Variants in ADGRB3 observed in about 807,000 individuals in gnomAD.
The protein encoded by ADGRB3 is brain-specific angiogenesis inhibitor 3.
A neutral mutation model predicts 193.4 loss-of-function variants in ADGRB3; 37 were observed. The ratio of observed to expected loss-of-function variants is 0.19; its 90% CI spans 0.15 to 0.25. ADGRB3 has a LOEUF of 0.25. Ranked by LOEUF, ADGRB3 falls within the 10% of genes least tolerant of loss-of-function variation. The probability of loss-of-function intolerance (pLI) is 1.00; values close to 1 mark genes in which losing one functional copy is unlikely to be tolerated. For missense variants in ADGRB3, 1,637 were observed against 1,852.9 expected (o/e 0.88, Z 2.14); for synonymous variants, 690 against 644.2 (o/e 1.07, Z -1.08).
intron 3 of ADGRB3, among the ~76,000 whole-genome samples, chr6:68,858,544 G>C (rs1386051395): frequency 4.6e-5 from 6 of 130,846 alleles, no homozygotes; most frequent in African/African-American, 1.5e-4. Context: ...AGTGAGCCAT[G>C]ATCATGTCAC....
Position 68,741,542 on chromosome 6 carries a change from A to G in ADGRB3, c.757+102110A>G, listed in dbSNP as rs143975081. Among the ~76,000 whole-genome samples the G allele has an allele frequency of 1.3e-3, 198 of 152,182 alleles. 1 individual carries two copies. The highest frequency in any genetic ancestry group is 4.6e-3 in the African/African-American group (190 of 41,530). ...GCTGGGACTACAGACATGTGCCACT[A>G]TGCCCAGATAAACTTTTGTAGTTTT... On this transcript the variant is annotated intron_variant, in intron 3 of 31. Coordinates refer to ENST00000370598, the MANE Select transcript of ADGRB3 (RefSeq NM_001704.3).
intron 17 of ADGRB3, among the ~76,000 whole-genome samples, chr6:69,128,579 A>C (rs1006277023): frequency 3.0e-4 from 46 of 152,186 alleles, no homozygotes; most frequent in Admixed American, 2.6e-4. Flanking sequence ...AAAAGAAAAG[A>C]AAACAACTCC....
chr6:68,879,002 G>C (rs1255694035), intron 3 of ADGRB3, among the ~76,000 whole-genome samples: 1 of 152,032 alleles, frequency 6.6e-6, no homozygotes, highest in Non-Finnish European at 1.5e-5. Flanking sequence ...TCTCCCACCG[G>C]CTCTCTTTCA....
chr6:69,006,572 C>T (rs1457230927), intron 11 of ADGRB3, among the ~76,000 whole-genome samples: 3 of 149,950 alleles, frequency 2.0e-5, no homozygotes. Context: ...GTGGCATGAT[C>T]TTGGCTCACT....
chr6:69,097,923 C>T (rs529032419), intron 17 of ADGRB3, among the ~76,000 whole-genome samples: 19 of 152,198 alleles, frequency 1.2e-4, no homozygotes, highest in Non-Finnish European at 2.1e-4. Context: ...AAAGTAAAAA[C>T]ATAATTATGT....
intron 20 of ADGRB3, among the ~76,000 whole-genome samples, chr6:69,245,205 G>T (rs1480720602): frequency 6.6e-6 from 1 of 151,850 alleles, no homozygotes; most frequent in Admixed American, 6.6e-5. Context: ...TCTCTATCAG[G>T]TATTGATCAT....
At chr6:69,252,521 G>C (rs1045385891) in intron 20 of ADGRB3, among the ~76,000 whole-genome samples, 5 of 152,000 alleles carry the variant, frequency 3.3e-5, no homozygotes, top group Admixed American at 3.3e-4. Context: ...ATACCACTTT[G>C]TACTCTTACC....
At chr6:69,330,647 A>C (rs965318458) in intron 23 of ADGRB3, 75 bp downstream of exon 23, 19 of 1,231,802 alleles carry the variant, frequency 1.5e-5, no homozygotes, top group African/African-American at 7.6e-5. Context: ...TTAGAGTGGC[A>C]ATTTTGATAA....
chr6:69,025,343 A>G (rs1201786479), intron 13 of ADGRB3, among the ~76,000 whole-genome samples: 1 of 152,030 alleles, frequency 6.6e-6, no homozygotes, highest in Non-Finnish European at 1.5e-5. Flanking sequence ...AGAGAAACCA[A>G]CTTTCAGTCT....
chr6:69,059,358 AG>A (rs1771647684), intron 15 of ADGRB3, among the ~76,000 whole-genome samples: 1 of 152,122 alleles, frequency 6.6e-6, no homozygotes, highest in African/African-American at 2.4e-5. Context: ...TTATATACAA[AG>A]TGAGTCTGTT....
intron 3 of ADGRB3, among the ~76,000 whole-genome samples, chr6:68,776,066 A>T (rs1766741110): frequency 6.6e-6 from 1 of 152,144 alleles, no homozygotes; most frequent in Non-Finnish European, 1.5e-5. Context: ...CGTAGAATGA[A>T]TATTCTGTCA....
intron 17 of ADGRB3, among the ~76,000 whole-genome samples, chr6:69,175,846 C>A (rs1343091528): frequency 6.6e-6 from 1 of 152,064 alleles, no homozygotes; most frequent in Non-Finnish European, 1.5e-5. Flanking sequence ...TTGTAGAGAT[C>A]TTTCACCTCC....
At chr6:69,303,434 C>T (rs1457256582) in intron 20 of ADGRB3, among the ~76,000 whole-genome samples, 1 of 151,854 alleles carries the variant, frequency 6.6e-6, no homozygotes, top group African/African-American at 2.4e-5. Flanking sequence ...CTTCTTTCTC[C>T]TCCTCAGCCT....
intron 17 of ADGRB3, among the ~76,000 whole-genome samples, chr6:69,219,991 A>G (rs949365624): frequency 2.6e-5 from 4 of 152,072 alleles, no homozygotes; most frequent in African/African-American, 7.2e-5. Flanking sequence ...CTTTTCCATT[A>G]TAAGCCTCAT....
At chr6:68,783,020 A>G (rs1483730665) in intron 3 of ADGRB3, among the ~76,000 whole-genome samples, 1 of 151,960 alleles carries the variant, frequency 6.6e-6, no homozygotes, top group Admixed American at 6.6e-5. Flanking sequence ...AACCACTGCC[A>G]TTATTGCCGC....
chr6:69,245,698 C>T (rs186675719), intron 20 of ADGRB3, among the ~76,000 whole-genome samples: 53 of 152,206 alleles, frequency 3.5e-4, no homozygotes, highest in African/African-American at 1.2e-3. Context: ...AGCTCATTCT[C>T]TGACACTCTG....
At chr6:68,974,408 G>A (rs1288242335) in intron 8 of ADGRB3, among the ~76,000 whole-genome samples, 1 of 152,072 alleles carries the variant, frequency 6.6e-6, no homozygotes, top group African/African-American at 2.4e-5. Context: ...CTATAATCCT[G>A]GCACTTTGGG....
intron 30 of ADGRB3, among the ~76,000 whole-genome samples, chr6:69,375,144 A>C (rs1293478174): frequency 6.6e-6 from 1 of 152,100 alleles, no homozygotes; most frequent in Non-Finnish European, 1.5e-5. Context: ...AGGGATTTTT[A>C]TTTAATTTGC....
intron 3 of ADGRB3, among the ~76,000 whole-genome samples, chr6:68,802,615 T>C (rs1413199523): frequency 6.6e-6 from 1 of 152,180 alleles, no homozygotes; most frequent in East Asian, 1.9e-4. Context: ...AATTGGTCAG[T>C]TGAAATGCAA....
Sources: gnomAD v4.1 joint callset for allele counts (sites outside exome capture counted in the v4.1 genomes callset) on GRCh38, gnomAD v4.1.1 for gene constraint, MANE v1.5 for transcripts, NCBI Gene and HGNC (gene_info 2026-07-23, HGNC 2026-07-21) for gene names.